Variants in TRAK1 observed in about 807,000 individuals in gnomAD.
TRAK1 encodes trafficking kinesin protein 1.
Under a neutral mutation model 92.1 loss-of-function variants are expected in TRAK1, and 33 were observed. The observed-to-expected ratio is 0.36, with a 90% confidence interval of 0.27 to 0.48. The LOEUF (loss-of-function observed/expected upper bound fraction) is 0.48, where lower values mean the gene tolerates loss of function less well. TRAK1 is among the 20% of genes least tolerant of loss of function. The pLI is 0.99. For missense variants in TRAK1, 1,123 were observed against 1,257.9 expected (o/e 0.89, Z 1.62); for synonymous variants, 521 against 517.3 (o/e 1.01, Z -0.10).
intron 1 of TRAK1, among the ~76,000 whole-genome samples, chr3:42,102,831 G>C (rs1024515760): frequency 1.4e-5 from 2 of 146,924 alleles, no homozygotes; most frequent in Non-Finnish European, 3.0e-5. Flanking sequence ...TTGGCAGCTC[G>C]AAAGTTCTCC....
intron 1 of TRAK1, among the ~76,000 whole-genome samples, chr3:42,047,925 T>C (rs1702823599): frequency 6.7e-6 from 1 of 148,768 alleles, no homozygotes; most frequent in Admixed American, 6.7e-5. Context: ...TTCTTTTCTT[T>C]TTTTTTTTTT....
chr3:42,121,911 G>A (rs2133075), intron 1 of TRAK1, among the ~76,000 whole-genome samples: 86,825 of 151,828 alleles, frequency 0.57, 25,138 homozygotes, highest in South Asian at 0.77. Context: ...TCTGCCTCCC[G>A]GGTTCAAGTG....
Position 42,121,087 on chromosome 3 carries a change from TCTG to T in TRAK1, c.92-4327_92-4325del, listed in dbSNP as rs1709786376. 3.3e-5 allele frequency among the ~76,000 whole-genome samples: 5 copies of T among 152,248 alleles called. No homozygotes were observed. In the South Asian group the frequency reaches 1.0e-3, roughly 32 times the overall value. On this transcript the variant is annotated intron_variant, in intron 1 of 15. Transcript: ENST00000327628. ...AACAGCTGAGGCTGCTCCTACCTGA[TCTG>T]CTGCTTAGTTAGCTGAATCAACTTG...
intron 2 of TRAK1, among the ~76,000 whole-genome samples, chr3:42,126,102 C>T (rs1483389460): frequency 6.6e-6 from 1 of 151,014 alleles, no homozygotes; most frequent in East Asian, 1.9e-4. Flanking sequence ...GCCACCCACC[C>T]ACCTTGGCCT....
intron 2 of TRAK1, among the ~76,000 whole-genome samples, chr3:42,161,200 C>T (rs1182089403): frequency 1.3e-5 from 2 of 152,118 alleles, no homozygotes; most frequent in African/African-American, 4.8e-5. Flanking sequence ...CTGGTATGAG[C>T]TTTCTAGTTG....
At chr3:42,128,697 T>C (rs190123330) in intron 2 of TRAK1, among the ~76,000 whole-genome samples, 3 of 152,372 alleles carry the variant, frequency 2.0e-5, no homozygotes, top group Admixed American at 6.5e-5. Context: ...ACCTGTGATA[T>C]TGTCACCAGT....
At chr3:42,174,726 A>G (rs560009174) in intron 2 of TRAK1, among the ~76,000 whole-genome samples, 25 of 148,754 alleles carry the variant, frequency 1.7e-4, no homozygotes, top group African/African-American at 6.1e-4. Context: ...AATTTTATAT[A>G]TATACAAAAA....
chr3:42,213,519 G>A (rs1283873974), intron 14 of TRAK1, among the ~76,000 whole-genome samples: 1 of 152,282 alleles, frequency 6.6e-6, no homozygotes, highest in African/African-American at 2.4e-5. Flanking sequence ...CCAAGGTCAG[G>A]AGCAGTGACT....
chr3:42,146,364 T>A, intron 2 of TRAK1: 1 of 271,234 alleles, frequency 3.7e-6, no homozygotes, highest in Non-Finnish European at 7.6e-6. Context: ...AGCTCTTGTA[T>A]CATCCATAGT....
intron 4 of TRAK1, among the ~76,000 whole-genome samples, chr3:42,185,333 C>G (rs1458311007): frequency 6.6e-6 from 1 of 152,174 alleles, no homozygotes; most frequent in Non-Finnish European, 1.5e-5. Context: ...TAAAACAAAA[C>G]AAGACAAAAA....
At chr3:42,020,876 G>T (rs886646556) in intron 1 of TRAK1, among the ~76,000 whole-genome samples, 1 of 152,142 alleles carries the variant, frequency 6.6e-6, no homozygotes, top group African/African-American at 2.4e-5. Flanking sequence ...TATCTTAAGA[G>T]ATCTAGTAAG....
chr3:42,112,043 C>G (rs1014242213), intron 1 of TRAK1, among the ~76,000 whole-genome samples: 1 of 151,376 alleles, frequency 6.6e-6, no homozygotes, highest in Non-Finnish European at 1.5e-5. Context: ...AAAAGTAGCC[C>G]CTACTCCAGA....
chr3:42,073,029 GA>G (rs1211285212), intron 1 of TRAK1, among the ~76,000 whole-genome samples: 1 of 152,190 alleles, frequency 6.6e-6, no homozygotes, highest in Non-Finnish European at 1.5e-5. Flanking sequence ...GAGTGTATAT[GA>G]AATGAGAGCA....
At chr3:42,076,162 G>A (rs116426550) in intron 1 of TRAK1, among the ~76,000 whole-genome samples, 207 of 140,776 alleles carry the variant, frequency 1.5e-3, no homozygotes, top group South Asian at 2.8e-3. Flanking sequence ...ATTTTTAAAC[G>A]TTTTTGTTTC....
chr3:42,145,070 C>CT (rs1699161852), intron 2 of TRAK1, among the ~76,000 whole-genome samples: 2 of 152,228 alleles, frequency 1.3e-5, no homozygotes, highest in South Asian at 4.1e-4. Context: ...GTAAGCAAGA[C>CT]ACACAGTCAT....
chr3:42,201,278 G>A (rs1308907738), intron 12 of TRAK1, among the ~76,000 whole-genome samples: 3 of 152,164 alleles, frequency 2.0e-5, no homozygotes, highest in Non-Finnish European at 4.4e-5. Flanking sequence ...GGGCAACATT[G>A]CAAAATCCCA....
At chr3:42,125,150 T>C (rs1348088271) in intron 1 of TRAK1, among the ~76,000 whole-genome samples, 1 of 152,174 alleles carries the variant, frequency 6.6e-6, no homozygotes, top group Non-Finnish European at 1.5e-5. Context: ...ACTCAGATGA[T>C]AAAAGCTCAA....
chr3:42,107,533 AAATT>A (rs1238588768), intron 1 of TRAK1, among the ~76,000 whole-genome samples: 6 of 149,760 alleles, frequency 4.0e-5, no homozygotes, highest in African/African-American at 9.7e-5. Context: ...AAAAAAAAAG[AAATT>A]AATTATTTAT....
chr3:42,141,996 G>T (rs965864717), intron 2 of TRAK1, among the ~76,000 whole-genome samples: 3 of 152,152 alleles, frequency 2.0e-5, no homozygotes, highest in African/African-American at 7.2e-5. Context: ...AATTAGCCGG[G>T]CATGGTGGCG....
Sources: gnomAD v4.1 joint callset for allele counts (sites outside exome capture counted in the v4.1 genomes callset) on GRCh38, gnomAD v4.1.1 for gene constraint, MANE v1.5 for transcripts, NCBI Gene and HGNC (gene_info 2026-07-23, HGNC 2026-07-21) for gene names.